FOCAD: variants seen among roughly 807,000 people sequenced by gnomAD.
FOCAD encodes focadhesin.
A neutral mutation model predicts 225.6 loss-of-function variants in FOCAD; 198 were observed. That is an observed-to-expected ratio of 0.88 (90% CI 0.78 to 0.99). The LOEUF (loss-of-function observed/expected upper bound fraction) is 0.99. Among genes scored for constraint, FOCAD ranks in the 50% least tolerant of loss-of-function variants. The pLI is 0.00. For missense variants in FOCAD, 2,713 were observed against 2,123.6 expected (o/e 1.28, Z -5.46); for synonymous variants, 897 against 755.0 (o/e 1.19, Z -3.08).
At chr9:20,824,317 T>G (rs1824648300) in intron 15 of FOCAD, among the ~76,000 whole-genome samples, 1 of 152,070 alleles carries the variant, frequency 6.6e-6, no homozygotes, top group East Asian at 1.9e-4. Flanking sequence ...ATTCTAAACT[T>G]TCACCACCAA....
chr9:20,789,217 G>T, intron 10 of FOCAD, 134 bp from the exon 11 acceptor site: 1 of 955,000 alleles, frequency 1.0e-6, no homozygotes, highest in African/African-American at 1.6e-5. Flanking sequence ...AGAGGATTTT[G>T]GCAGTAATTC....
At position 20,890,721 on chromosome 9, in the gene FOCAD, C is replaced by T. The variant is rs879723418; in HGVS notation, c.2625+5491C>T. 1.6e-4 allele frequency among the ~76,000 whole-genome samples: 24 copies of T among 152,020 alleles called. No individual in the cohort carries two copies. The East Asian group carries it at 2.3e-3, about 15-fold the overall frequency. On this transcript the variant is annotated intron_variant, in intron 21 of 43. Transcript: ENST00000338382. The stretch of plus-strand genomic sequence containing the variant: ...TAGAGTTCCCCTCTTTTTTATTTCC[C>T]GAAATAGTTTGTATAGAATTGTTAT...
intron 11 of FOCAD, among the ~76,000 whole-genome samples, chr9:20,799,394 G>A (rs543555201): frequency 6.6e-6 from 1 of 152,044 alleles, no homozygotes. Context: ...TCAATTCCTG[G>A]ATACCCTTGT....
At chr9:20,693,237 C>CCTCAGATGAGTAG (rs1256715743) in intron 1 of FOCAD, among the ~76,000 whole-genome samples, 4 of 152,204 alleles carry the variant, frequency 2.6e-5, no homozygotes, top group African/African-American at 9.7e-5. Context: ...CATGCTTTCA[C>CCTCAGATGAGTAG]CATGGCATTG....
intron 6 of FOCAD, among the ~76,000 whole-genome samples, chr9:20,764,261 A>G (rs1479066114): frequency 1.3e-5 from 2 of 151,838 alleles, no homozygotes; most frequent in African/African-American, 4.8e-5. Context: ...TTGTCAGGTG[A>G]TCCTTTTTTT....
intron 6 of FOCAD, among the ~76,000 whole-genome samples, chr9:20,759,527 G>T (rs1353847031): frequency 2.0e-5 from 3 of 152,126 alleles, no homozygotes; most frequent in Non-Finnish European, 4.4e-5. Context: ...AGCTGAAACT[G>T]GATCCCTTCC....
intron 11 of FOCAD, among the ~76,000 whole-genome samples, chr9:20,807,604 T>A (rs1822596710): frequency 6.6e-6 from 1 of 152,278 alleles, no homozygotes; most frequent in Non-Finnish European, 1.5e-5. Context: ...AAATCTGGTA[T>A]GTATTTTACA....
At chr9:20,894,908 C>T (rs777664209) in intron 21 of FOCAD, among the ~76,000 whole-genome samples, 5 of 152,000 alleles carry the variant, frequency 3.3e-5, no homozygotes, top group Non-Finnish European at 7.4e-5. Flanking sequence ...TCAAGCCTAA[C>T]ATTATAGATA....
chr9:20,734,893 C>G (rs569369310), intron 4 of FOCAD, among the ~76,000 whole-genome samples: 20 of 152,190 alleles, frequency 1.3e-4, no homozygotes, highest in African/African-American at 4.8e-4. Flanking sequence ...CACCTTGGGC[C>G]TCCCAAAGTG....
At chr9:20,736,322 G>A (rs1336525375) in intron 4 of FOCAD, among the ~76,000 whole-genome samples, 1 of 152,102 alleles carries the variant, frequency 6.6e-6, no homozygotes, top group East Asian at 1.9e-4. Flanking sequence ...TAAGTGCAGT[G>A]AAATTTTCTT....
chr9:20,832,663 A>G (rs1180467921), intron 15 of FOCAD, among the ~76,000 whole-genome samples: 1 of 151,652 alleles, frequency 6.6e-6, no homozygotes, highest in African/African-American at 2.4e-5. Flanking sequence ...TTCTTTTTGT[A>G]CCCACTAACC....
intron 15 of FOCAD, among the ~76,000 whole-genome samples, chr9:20,842,438 A>G (rs1198073264): frequency 2.0e-5 from 3 of 151,844 alleles, no homozygotes; most frequent in African/African-American, 4.8e-5. Context: ...GGGTACATAT[A>G]TATGTATAGT....
chr9:20,930,517 A>G (rs1184830096), intron 27 of FOCAD, among the ~76,000 whole-genome samples: 1 of 152,322 alleles, frequency 6.6e-6, no homozygotes, highest in East Asian at 1.9e-4. Flanking sequence ...TAGTTGTCCA[A>G]AGGCAAGAAC....
chr9:20,776,686 C>T (rs1818790290), intron 8 of FOCAD, among the ~76,000 whole-genome samples: 1 of 152,128 alleles, frequency 6.6e-6, no homozygotes, highest in Admixed American at 6.5e-5. Flanking sequence ...ACTTCTGTTC[C>T]ATTTCAGAAC....
intron 42 of FOCAD, among the ~76,000 whole-genome samples, chr9:20,992,919 C>A (rs1030449934): frequency 6.6e-6 from 1 of 151,410 alleles, no homozygotes; most frequent in Non-Finnish European, 1.5e-5. Context: ...GCCGAGATTG[C>A]GCTACTGCAC....
At chr9:20,799,278 A>G (rs569366078) in intron 11 of FOCAD, among the ~76,000 whole-genome samples, 22 of 152,272 alleles carry the variant, frequency 1.4e-4, no homozygotes, top group South Asian at 6.2e-4. Context: ...TATGTGGTCA[A>G]TTTTGGAATA....
At chr9:20,989,181 T>G (rs1290301225) in intron 41 of FOCAD, among the ~76,000 whole-genome samples, 1 of 152,210 alleles carries the variant, frequency 6.6e-6, no homozygotes, top group Non-Finnish European at 1.5e-5. Context: ...TTGCATAACC[T>G]GGGATGTTTT....
intron 2 of FOCAD, among the ~76,000 whole-genome samples, chr9:20,660,130 T>C (rs963089272): frequency 3.9e-5 from 6 of 152,166 alleles, no homozygotes; most frequent in Admixed American, 6.6e-5. Flanking sequence ...TAGCTAAATA[T>C]CCAGATGTGG....
At chr9:20,677,116 A>G (rs1333863451) in intron 2 of FOCAD, among the ~76,000 whole-genome samples, 1 of 152,132 alleles carries the variant, frequency 6.6e-6, no homozygotes, top group Non-Finnish European at 1.5e-5. Flanking sequence ...TTAAACAATA[A>G]CACACAAGGA....
Sources: allele counts gnomAD v4.1 joint callset (sites outside exome capture counted in the v4.1 genomes callset), GRCh38; gene constraint gnomAD v4.1.1; transcripts MANE v1.5; gene names NCBI Gene and HGNC (gene_info 2026-07-23, HGNC 2026-07-21).